ZNF729: variants seen among roughly 807,000 people sequenced by gnomAD.
ZNF729 encodes zinc finger protein 729.
Under a neutral mutation model 12.2 loss-of-function variants are expected in ZNF729, and 15 were observed. The observed-to-expected ratio is 1.23, with a 90% CI of 0.82 to 1.89. The LOEUF (loss-of-function observed/expected upper bound fraction) is 1.89. ZNF729 is among the 40% of genes most tolerant of loss of function. ZNF729 has a pLI of 0.00. For synonymous variants in ZNF729, 492 were observed against 476.3 expected (o/e 1.03, Z -0.43); for missense variants, 1,540 against 1,456.7 (o/e 1.06, Z -0.93).
In ZNF729 at chr19:22,316,044, G is replaced by T. The variant is rs759794428; in HGVS notation, c.2627G>T (p.Gly876Val). The part of the protein sequence containing the change: ...SLRKHEIIHS[G>V]EKPYKCEECG... The stretch of plus-strand genomic sequence containing the variant: ...AGAAAACATGAGATAATTCATAGTG[G>T]AGAGAAACCATACAAATGTGAAGAA... The change falls in exon 4 of 4, where the codon GGA becomes GTA. Residue 876 changes from glycine (G) to valine (V), a missense_variant. By Grantham distance (109) the Gly-to-Val change is moderately radical. Transcript: ENST00000601693. 4 of 1,610,474 alleles carry T rather than the reference G, an allele frequency of 2.5e-6. No homozygotes were observed. The East Asian group carries it at 8.9e-5, about 36-fold the overall frequency.
Position 22,314,454 on chromosome 19 carries a change from A to G in ZNF729, c.1037A>G (p.Lys346Arg). The G allele has an allele frequency of 6.2e-7, 1 of 1,604,486 alleles. No homozygotes were observed. The highest frequency in any genetic ancestry group is 8.5e-7 in the Non-Finnish European group (1 of 1,175,666). ...RKHKIIHTGK[K>R]PYKREECGKA... The stretch of plus-strand genomic sequence containing the variant: ...CATAAGATAATTCATACTGGAAAGA[A>G]ACCCTACAAGCGTGAAGAATGTGGC... The change falls in exon 4 of 4, where the codon AAA becomes AGA. Residue 346 changes from lysine (K) to arginine (R), a missense_variant. Lys to Arg is a conservative substitution (Grantham distance 26, BLOSUM62 2). Coordinates refer to ENST00000601693, the MANE Select transcript of ZNF729 (RefSeq NM_001242680.2).
rs1024581895 is a variant in ZNF729, at chr19:22,315,487, C to G, written c.2070C>G (p.Gly690=). 4 of 1,611,536 alleles carry G rather than the reference C, an allele frequency of 2.5e-6. No homozygotes were observed. Among genetic ancestry groups the G allele is most frequent in the Non-Finnish European group, 3.4e-6 (4 of 1,179,596 alleles). ...GKKPYKCEEC[G]KAFSHFSALR... is the part of the protein sequence containing the mutation. ...AACCGTACAAATGTGAAGAATGTGG[C>G]AAAGCTTTTAGCCATTTCTCAGCCC... Residue 690 remains glycine (G), a synonymous_variant, in exon 4 of 4, where the codon GGC becomes GGG. Transcript: ENST00000601693.
In ZNF729 at chr19:22,315,925, C is replaced by T. The variant is rs746702957; in HGVS notation, c.2508C>T (p.Phe836=). The T allele has an allele frequency of 5.6e-6, 9 of 1,610,534 alleles. No individual in the cohort carries two copies. The Admixed American group carries it at 1.3e-4, about 24-fold the overall frequency. ...CEECGKAFKH[F]SALRKHKVIH... is the part of the protein sequence containing the mutation. ...AATGTGGCAAAGCTTTTAAGCATTTCTCAGCCCTTAGAAAACATAAGGTAA... is the reference window on the plus strand; with the variant it reads ...AATGTGGCAAAGCTTTTAAGCATTTTTCAGCCCTTAGAAAACATAAGGTAA... The change falls in exon 4 of 4, where the codon TTC becomes TTT. Residue 836 remains phenylalanine, a synonymous_variant. Transcript: ENST00000601693.
At chr19:22,286,810 C>T (rs1243535438) in intron 1 of ZNF729, among the ~76,000 whole-genome samples, 2 of 152,188 alleles carry the variant, frequency 1.3e-5, no homozygotes, top group Non-Finnish European at 2.9e-5. Flanking sequence ...GCTCTGCACC[C>T]GCATGGCCGC....
rs546615355 is a variant in ZNF729 at position 22,316,836 on chromosome 19, C to A, written c.3419C>A (p.Ala1140Asp). 1.2e-6 allele frequency: 2 copies of A among 1,613,122 alleles called. No homozygotes were observed. Among genetic ancestry groups the A allele is most frequent in the South Asian group, 1.1e-5 (1 of 91,072 alleles). Residue 1140 changes from alanine (A) to aspartate (D), a missense_variant, in exon 4 of 4, where the codon GCC becomes GAC. Coordinates refer to ENST00000601693, the MANE Select transcript of ZNF729 (RefSeq NM_001242680.2). Reference sequence around the variant, plus strand: ...TACAAATGTGAAGAATGTGGCAAAGCCTTTAGTCAGTCCTCAATCCTTACT... The same window carrying A: ...TACAAATGTGAAGAATGTGGCAAAGACTTTAGTCAGTCCTCAATCCTTACT... The part of the protein sequence containing the change: ...KPYKCEECGK[A>D]FSQSSILTKH...
At chr19:22,289,855 A>G (rs1968130487) in intron 1 of ZNF729, among the ~76,000 whole-genome samples, 1 of 152,000 alleles carries the variant, frequency 6.6e-6, no homozygotes, top group Admixed American at 6.6e-5. Flanking sequence ...GAAACTTTGT[A>G]CCCTCTAGAA....
chr19:22,286,736 C>T (rs1194065212), intron 1 of ZNF729, among the ~76,000 whole-genome samples, 181 bp downstream of exon 1: 2 of 152,162 alleles, frequency 1.3e-5, no homozygotes, highest in East Asian at 3.9e-4. Flanking sequence ...GACTGCGGGA[C>T]CCTGGGCGAC....
chr19:22,305,063 T>C (rs539445719), intron 3 of ZNF729, among the ~76,000 whole-genome samples: 1 of 152,326 alleles, frequency 6.6e-6, no homozygotes, highest in African/African-American at 2.4e-5. Flanking sequence ...GTCTGACTGC[T>C]TTTCCATTGT....
At chr19:22,303,627 G>T in intron 1 of ZNF729, 131 bp from the exon 2 acceptor site, 3 of 768,982 alleles carry the variant, frequency 3.9e-6, no homozygotes, top group South Asian at 2.0e-5. Flanking sequence ...TTATTTTATT[G>T]GATATGTTCG....
intron 3 of ZNF729, among the ~76,000 whole-genome samples, chr19:22,307,643 T>G (rs1968396304): frequency 6.7e-6 from 1 of 150,336 alleles, no homozygotes; most frequent in Admixed American, 6.6e-5. Context: ...CTCGGGAGGC[T>G]GAAGCAGGAG....
rs909167845 is a variant in ZNF729, at chr19:22,297,054, A to T, written c.31-6704A>T. On this transcript the variant is annotated intron_variant, in intron 1 of 3. Transcript: ENST00000601693. ...TGTGGTGATGAGAAGAATGTATATT[A>T]TGATGTTTTTAGATGGAGAGTTCTG... is the stretch of plus-strand genomic sequence containing the variant. Among the ~76,000 whole-genome samples the T allele has an allele frequency of 3.9e-5, 6 of 152,132 alleles. No individual in the cohort carries two copies. The East Asian group carries it at 1.2e-3, about 29-fold the overall frequency.
chr19:22,286,449 C>G lies in ZNF729; in HGVS notation c.-77C>G. ...TGTTTCTGGTTGCAGCCGCAGTTCCCGGTCTCGCCTTCACTGCTGTGTGTC... is the reference window on the plus strand; with the variant it reads ...TGTTTCTGGTTGCAGCCGCAGTTCCGGGTCTCGCCTTCACTGCTGTGTGTC... On this transcript the variant is annotated 5_prime_UTR_variant, in exon 1 of 4. Transcript: ENST00000601693. 1.3e-6 allele frequency: 2 copies of G among 1,579,080 alleles called. No individual in the cohort carries two copies. The highest frequency in any genetic ancestry group is 1.7e-6 in the Non-Finnish European group (2 of 1,158,374).
chr19:22,289,044 CAT>C (rs911417916), intron 1 of ZNF729, among the ~76,000 whole-genome samples: 7 of 151,976 alleles, frequency 4.6e-5, no homozygotes, highest in Non-Finnish European at 7.4e-5. Context: ...CTGATTGAAA[CAT>C]GAGTCAGACA....
chr19:22,312,140 C>T (rs1419416915), intron 3 of ZNF729, among the ~76,000 whole-genome samples: 1 of 151,904 alleles, frequency 6.6e-6, no homozygotes, highest in Non-Finnish European at 1.5e-5. Flanking sequence ...TTATAGTGAT[C>T]TGTGTTCCTG....
In ZNF729 at chr19:22,315,843, C is replaced by T. The variant is rs573979864; in HGVS notation, c.2426C>T (p.Ser809Leu). The T allele has an allele frequency of 6.3e-5, 101 of 1,611,000 alleles. No homozygotes were observed. The South Asian group carries it at 8.9e-4, about 14-fold the overall frequency. ...TGTGGTAAAGCTTTTAAGTGGTCCT[C>T]AAAGCTTACTGTACATAAGGTAATT... ...EECGKAFKWS[S>L]KLTVHKVIHT... Residue 809 changes from serine (S) to leucine (L), a missense_variant, in exon 4 of 4, where the codon TCA becomes TTA. Transcript: ENST00000601693.
At chr19:22,312,831 A>G (rs1377385289) in intron 3 of ZNF729, among the ~76,000 whole-genome samples, 8 of 152,022 alleles carry the variant, frequency 5.3e-5, no homozygotes, top group African/African-American at 1.9e-4. Flanking sequence ...CTCCTGCCTC[A>G]ACCTCCCTAG....
At chr19:22,302,736 AG>A (rs893139867) in intron 1 of ZNF729, among the ~76,000 whole-genome samples, 1 of 152,308 alleles carries the variant, frequency 6.6e-6, no homozygotes, top group African/African-American at 2.4e-5. Context: ...CTGTTTTTGG[AG>A]GCCTTATTTA....
At chr19:22,311,240 C>T (rs894174434) in intron 3 of ZNF729, among the ~76,000 whole-genome samples, 38 of 151,448 alleles carry the variant, frequency 2.5e-4, no homozygotes, top group Admixed American at 9.9e-4. Flanking sequence ...CCTGGGTTTG[C>T]GTTTGGTTTT....
At position 22,313,814 on chromosome 19, in the gene ZNF729, A is replaced by G; in HGVS notation, c.397A>G (p.Lys133Glu). 1 of 1,590,880 alleles carries G rather than the reference A, an allele frequency of 6.3e-7. No individual in the cohort carries two copies. Among genetic ancestry groups the G allele is most frequent in the South Asian group, 1.1e-5 (1 of 88,396 alleles). The change falls in exon 4 of 4, where the codon AAG becomes GAG. Residue 133 changes from lysine (K) to glutamate (E), a missense_variant. By Grantham distance (56) the Lys-to-Glu change is moderately conservative. Coordinates refer to ENST00000601693, the MANE Select transcript of ZNF729 (RefSeq NM_001242680.2). ...AGATTGTAAAAGTGCCAATGAGGGT[A>G]AGATGCACAAAGAAGGTTATAATAA... ...RKDCKSANEG[K>E]MHKEGYNKLN...
Sources: allele counts gnomAD v4.1 joint callset (sites outside exome capture counted in the v4.1 genomes callset), GRCh38; gene constraint gnomAD v4.1.1; transcripts MANE v1.5; gene names NCBI Gene and HGNC (gene_info 2026-07-23, HGNC 2026-07-21).